RGL1: variants seen among roughly 807,000 people sequenced by gnomAD.
The protein encoded by RGL1 is ral guanine nucleotide dissociation stimulator-like 1.
A neutral mutation model predicts 95.2 loss-of-function variants in RGL1; 24 were observed. That is an observed-to-expected ratio of 0.25 (90% confidence interval 0.18 to 0.35). RGL1 has a LOEUF of 0.35. Ranked by LOEUF, RGL1 falls within the 10% of genes least tolerant of loss-of-function variation. The probability of loss-of-function intolerance (pLI) is 1.00; values close to 1 mark genes in which losing one functional copy is unlikely to be tolerated. For missense variants in RGL1, 715 were observed against 936.3 expected, an observed-to-expected ratio of 0.76 and a Z score of 3.08; for synonymous variants, 329 against 344.9, an observed-to-expected ratio of 0.95 and a Z score of 0.51.
chr1:183,663,004 G>A (rs931700086), intron 1 of RGL1, among the ~76,000 whole-genome samples: 214 of 152,038 alleles, frequency 1.4e-3, no homozygotes, highest in Middle Eastern at 3.4e-3. Flanking sequence ...AAACTGGCTA[G>A]CCATATGTAG....
chr1:183,749,787 C>T (rs1380217947), intron 2 of RGL1, among the ~76,000 whole-genome samples: 2 of 152,112 alleles, frequency 1.3e-5, no homozygotes, highest in Non-Finnish European at 2.9e-5. Context: ...ATTTGCTTGT[C>T]TGTAAAGGAC....
chr1:183,636,457 T>G, exon 1 of RGL1: 3 of 324,220 alleles, frequency 9.3e-6, no homozygotes, highest in Non-Finnish European at 1.7e-5. Flanking sequence ...TATCTGTCAG[T>G]GCTGTGTGAC....
intron 1 of RGL1, among the ~76,000 whole-genome samples, chr1:183,649,680 T>C (rs1162472629): frequency 6.6e-6 from 1 of 152,218 alleles, no homozygotes; most frequent in Non-Finnish European, 1.5e-5. Context: ...AAAGCAAATA[T>C]GGTTCTTTAG....
intron 2 of RGL1, among the ~76,000 whole-genome samples, chr1:183,811,858 A>G (rs879723422): frequency 6.6e-6 from 1 of 152,242 alleles, no homozygotes; most frequent in Non-Finnish European, 1.5e-5. Flanking sequence ...TATACTTAAA[A>G]GTGTATATTC....
At chr1:183,913,182 CTTTTTTTTT>C (rs537751695) in intron 15 of RGL1, among the ~76,000 whole-genome samples, 2,602 of 68,200 alleles carry the variant, frequency 0.038, 13 homozygotes, top group South Asian at 0.057. Flanking sequence ...GACCAGTCTT[CTTTTTTTTT>C]TTTTTTTTTT....
intron 1 of RGL1, among the ~76,000 whole-genome samples, chr1:183,734,855 C>T (rs1180923539): frequency 6.6e-6 from 1 of 152,206 alleles, no homozygotes; most frequent in Admixed American, 6.5e-5. Flanking sequence ...GATCTCAGCT[C>T]TGTTCTGTTA....
chr1:183,914,008 T>G (rs1668818190), intron 15 of RGL1, among the ~76,000 whole-genome samples: 1 of 152,232 alleles, frequency 6.6e-6, no homozygotes, highest in Non-Finnish European at 1.5e-5. Flanking sequence ...TCTTCGTGAC[T>G]TGACATACAA....
At chr1:183,828,508 G>C (rs1663034652) in intron 2 of RGL1, among the ~76,000 whole-genome samples, 1 of 152,198 alleles carries the variant, frequency 6.6e-6, no homozygotes, top group Non-Finnish European at 1.5e-5. Context: ...GCCGTCTGGT[G>C]CTGCTCCTTC....
At chr1:183,743,578 C>A (rs958855216) in intron 2 of RGL1, among the ~76,000 whole-genome samples, 4 of 152,102 alleles carry the variant, frequency 2.6e-5, no homozygotes, top group African/African-American at 9.7e-5. Flanking sequence ...CTTTCTGGGG[C>A]AAACTCACAT....
intron 14 of RGL1, among the ~76,000 whole-genome samples, chr1:183,911,500 C>A (rs537331802): frequency 6.6e-6 from 1 of 152,204 alleles, no homozygotes; most frequent in African/African-American, 2.4e-5. Context: ...CCCACTCCCC[C>A]ACCAGAGCAG....
intron 2 of RGL1, among the ~76,000 whole-genome samples, chr1:183,767,463 G>A (rs114816481): frequency 6.6e-6 from 1 of 152,094 alleles, no homozygotes; most frequent in African/African-American, 2.4e-5. Context: ...ATATGCAAAT[G>A]AATGTTCTTA....
intron 1 of RGL1, among the ~76,000 whole-genome samples, chr1:183,639,553 T>C (rs1334897287): frequency 6.6e-6 from 1 of 152,184 alleles, no homozygotes; most frequent in Non-Finnish European, 1.5e-5. Context: ...CAACTGGTTC[T>C]GTGTTAAACT....
chr1:183,763,353 G>A (rs10911431), intron 2 of RGL1, among the ~76,000 whole-genome samples: 3,859 of 152,090 alleles, frequency 0.025, 70 homozygotes, highest in South Asian at 0.047. Flanking sequence ...AAACCTGCAC[G>A]TTCTGCACAT....
intron 1 of RGL1, among the ~76,000 whole-genome samples, chr1:183,687,938 T>C (rs1294432291): frequency 2.0e-5 from 3 of 152,160 alleles, no homozygotes; most frequent in Non-Finnish European, 4.4e-5. Context: ...GATTGGTCAT[T>C]CTATATCTAG....
chr1:183,709,043 G>A (rs1655100610), intron 1 of RGL1, among the ~76,000 whole-genome samples: 1 of 152,202 alleles, frequency 6.6e-6, no homozygotes, highest in Non-Finnish European at 1.5e-5. Flanking sequence ...CACCAAATGA[G>A]ACCGGGCAGG....
At chr1:183,773,494 A>C (rs767647190) in intron 2 of RGL1, among the ~76,000 whole-genome samples, 6 of 152,198 alleles carry the variant, frequency 3.9e-5, no homozygotes, top group Non-Finnish European at 7.3e-5. Context: ...ATTTCTGGGA[A>C]TTAGTGGTGT....
intron 1 of RGL1, among the ~76,000 whole-genome samples, chr1:183,681,326 C>A (rs12044971): frequency 0.063 from 9,650 of 152,194 alleles, 510 homozygotes; most frequent in African/African-American, 0.14. Context: ...ATAAATGGCT[C>A]TTATTATTTT....
intron 1 of RGL1, among the ~76,000 whole-genome samples, chr1:183,654,199 T>C (rs1650976307): frequency 6.6e-6 from 1 of 152,160 alleles, no homozygotes; most frequent in East Asian, 1.9e-4. Flanking sequence ...CTAGACGAGA[T>C]GTTTTTGTCT....
intron 2 of RGL1, among the ~76,000 whole-genome samples, chr1:183,763,041 C>T (rs1485120812): frequency 6.6e-6 from 1 of 152,132 alleles, no homozygotes; most frequent in African/African-American, 2.4e-5. Flanking sequence ...ACACATATAC[C>T]ATGGAATACT....
Sources: gnomAD v4.1 joint callset for allele counts (sites outside exome capture counted in the v4.1 genomes callset) on GRCh38, gnomAD v4.1.1 for gene constraint, MANE v1.5 for transcripts, NCBI Gene and HGNC (gene_info 2026-07-23, HGNC 2026-07-21) for gene names.